The following ZNF611 variants were observed in gnomAD, a reference collection of about 807,000 sequenced individuals.
ZNF611 encodes the protein zinc finger protein 611.
A neutral mutation model predicts 8.9 loss-of-function variants in ZNF611; 6 were observed. The ratio of observed to expected loss-of-function variants is 0.68; its 90% CI spans 0.37 to 1.34. The LOEUF (loss-of-function observed/expected upper bound fraction) is 1.34. Among genes scored for constraint, ZNF611 ranks in the 40% most tolerant of loss-of-function variants. The pLI, the probability that ZNF611 is intolerant of heterozygous loss-of-function variation, is 0.02. For synonymous variants in ZNF611, 262 were observed against 279.7 expected (o/e 0.94, Z 0.63); for missense variants, 874 against 841.3 (o/e 1.04, Z -0.48).
At chr19:52,731,077 G>C (rs918009244) in intron 1 of ZNF611, among the ~76,000 whole-genome samples, 1 of 151,168 alleles carries the variant, frequency 6.6e-6, no homozygotes, top group East Asian at 2.0e-4. Context: ...TTTTGGGGGT[G>C]GGGGAGACAG....
Position 52,706,301 on chromosome 19 carries a change from G to T in ZNF611, c.754C>A (p.Pro252Thr), listed in dbSNP as rs4085565. 656,629 of 1,613,318 alleles carry T rather than the reference G, an allele frequency of 0.41. 137,708 individuals carry two copies. Among genetic ancestry groups the T allele is most frequent in the African/African-American group, 0.69 (51,387 of 74,760 alleles). The change falls in exon 6 of 6, where the codon CCC becomes ACC. Residue 252 changes from proline (P) to threonine (T), a missense_variant. By Grantham distance (38) the Pro-to-Thr change is conservative. Transcript: ENST00000652185. ...CSSLLRKHQI[P>T]HLGDKQYKCD... ...TTATATTGTTTGTCTCCTAAATGGG[G>T]TATCTGGTGTTTCCTTAAGAGTGAG...
chr19:52,722,007 G>C (rs1679178186), intron 3 of ZNF611, among the ~76,000 whole-genome samples: 1 of 152,014 alleles, frequency 6.6e-6, no homozygotes, highest in African/African-American at 2.4e-5. Context: ...CCAAGATTGT[G>C]CCATTGCACT....
chr19:52,727,726 G>A (rs2062401380), intron 3 of ZNF611, among the ~76,000 whole-genome samples: 1 of 152,008 alleles, frequency 6.6e-6, no homozygotes, highest in African/African-American at 2.4e-5. Context: ...GAGCCACCAG[G>A]GTCAGCCAGG....
At chr19:52,727,496 A>T (rs2147446025) in intron 3 of ZNF611, among the ~76,000 whole-genome samples, 1 of 152,300 alleles carries the variant, frequency 6.6e-6, no homozygotes, top group East Asian at 1.9e-4. Context: ...AATGGAGGTG[A>T]CCATCTCTGT....
At chr19:52,728,525 T>C (rs1486469239) in intron 3 of ZNF611, among the ~76,000 whole-genome samples, 2 of 151,120 alleles carry the variant, frequency 1.3e-5, no homozygotes, top group African/African-American at 4.9e-5. Context: ...GCAACAAGAG[T>C]GAAACTCCAT....
At position 52,706,150 on chromosome 19, in the gene ZNF611, AG is replaced by A. The variant is rs2062242477; in HGVS notation, c.904del (p.Thr303ProfsTer10). The A allele has an allele frequency of 1.9e-6, 3 of 1,614,136 alleles. No homozygotes were observed. The East Asian group carries it at 6.7e-5, about 36-fold the overall frequency. ...CGKTFSQESS[L>X]TCHRRLHTGV... ...AGTATGAAGTCTACGATGGCAGGTA[AG>A]GGATGACTCCTGACTGAAGGTCTTG... On this transcript the variant is annotated frameshift_variant, in exon 6 of 6. Coordinates refer to ENST00000652185, the MANE Select transcript of ZNF611 (RefSeq NM_001161499.2). LOFTEE classifies it low-confidence loss of function (END_TRUNC).
chr19:52,718,262 C>T (rs1306367430), intron 3 of ZNF611, among the ~76,000 whole-genome samples: 1 of 152,080 alleles, frequency 6.6e-6, no homozygotes, highest in African/African-American at 2.4e-5. Flanking sequence ...ATCCCTTAAC[C>T]CCAGGAGATG....
intron 3 of ZNF611, among the ~76,000 whole-genome samples, chr19:52,722,141 C>A (rs1352213326): frequency 1.3e-5 from 2 of 152,000 alleles, no homozygotes; most frequent in East Asian, 1.9e-4. Flanking sequence ...ACAGGAGGAA[C>A]CTTTGAGCCC....
intron 1 of ZNF611, among the ~76,000 whole-genome samples, chr19:52,734,184 T>C (rs1229071829): frequency 7.9e-5 from 8 of 101,866 alleles, no homozygotes; most frequent in Non-Finnish European, 1.4e-4. Flanking sequence ...CCTGCTTTCT[T>C]AGGTTTTTTT....
chr19:52,716,180 G>C (rs1210864684), intron 3 of ZNF611: 2 of 368,656 alleles, frequency 5.4e-6, no homozygotes, highest in East Asian at 9.3e-5. Flanking sequence ...CTCCCCTTCA[G>C]GGCACAGACT....
In ZNF611 at chr19:52,704,591, A is replaced by G; in HGVS notation, c.*346T>C. 1 of 1,569,810 alleles carries G rather than the reference A, an allele frequency of 6.4e-7. No homozygotes were observed. The highest frequency in any genetic ancestry group is 8.7e-7 in the Non-Finnish European group (1 of 1,143,042). ...GAACGATCTCTGAAAAATTTGCCAC[A>G]TTTATTACACTTGTAAGATCTCTCT... is the stretch of plus-strand genomic sequence containing the variant. On this transcript the variant is annotated 3_prime_UTR_variant, in exon 6 of 6. Transcript: ENST00000652185.
chr19:52,727,645 G>A (rs8107104), intron 3 of ZNF611, among the ~76,000 whole-genome samples: 2,364 of 152,238 alleles, frequency 0.016, 62 homozygotes, highest in African/African-American at 0.053. Context: ...AGCTGGCCAG[G>A]CTGGTTTCGA....
intron 3 of ZNF611, chr19:52,724,581 AATC>A (rs2062379936): frequency 6.6e-6 from 1 of 151,704 alleles, no homozygotes; most frequent in South Asian, 2.1e-4. Context: ...CCTTCTCCCC[AATC>A]TTTCAATCGT....
chr19:52,729,506 A>AAAG lies in ZNF611; in HGVS notation c.-122+399_-122+400insCTT, dbSNP rs1301723694. ...AGACTCCATCTCAAAAAAAAAAAAA[A>AAAG]AAAAAAAAAAAAGAAAAGAAAGAAA... On this transcript the variant is annotated intron_variant, in intron 2 of 5. Coordinates refer to ENST00000652185, the MANE Select transcript of ZNF611 (RefSeq NM_001161499.2). Among the ~76,000 whole-genome samples the AAAG allele has an allele frequency of 6.5e-3, 959 of 148,356 alleles. 33 individuals carry two copies. The highest frequency in any genetic ancestry group is 0.021 in the African/African-American group (854 of 39,722).
intron 3 of ZNF611, among the ~76,000 whole-genome samples, chr19:52,722,905 G>T (rs901810934): frequency 2.4e-4 from 29 of 119,952 alleles, no homozygotes; most frequent in African/African-American, 5.3e-4. Context: ...TTTTGTTTTC[G>T]TTTTTTTTTT....
chr19:52,716,456 C>T (rs1007496845), intron 3 of ZNF611, among the ~76,000 whole-genome samples: 11 of 152,176 alleles, frequency 7.2e-5, no homozygotes, highest in African/African-American at 1.9e-4. Flanking sequence ...TCAGAGGGGG[C>T]GAGCCCAGCA....
chr19:52,726,688 G>T (rs894563912), intron 3 of ZNF611, among the ~76,000 whole-genome samples: 4 of 151,016 alleles, frequency 2.6e-5, no homozygotes, highest in African/African-American at 9.7e-5. Context: ...AAAGTGCTGG[G>T]ATTACAGGTG....
At chr19:52,706,927 C>A in intron 5 of ZNF611, 63 bp from the exon 6 acceptor site, 1 of 1,535,980 alleles carries the variant, frequency 6.5e-7, no homozygotes. Context: ...CACTGAAGTG[C>A]ATAAATATGA....
chr19:52,715,829 C>T lies in ZNF611; in HGVS notation c.63+3G>A. ...ATTAATCCACAGAGGAATATCACTT[C>T]ACCTGAGGAAGAGCCATGCCTGGCT... On this transcript the variant is annotated splice_donor_region_variant and intron_variant, in intron 4 of 5. Transcript: ENST00000652185. The T allele has an allele frequency of 1.2e-6, 2 of 1,611,676 alleles. No homozygotes were observed. Among genetic ancestry groups the T allele is most frequent in the East Asian group, 2.2e-5 (1 of 44,876 alleles).
Sources: allele counts gnomAD v4.1 joint callset (sites outside exome capture counted in the v4.1 genomes callset), GRCh38; gene constraint gnomAD v4.1.1; transcripts MANE v1.5; gene names NCBI Gene and HGNC (gene_info 2026-07-23, HGNC 2026-07-21).